The following CCDC81 variants were observed in gnomAD, a reference collection of about 807,000 sequenced individuals.
The protein encoded by CCDC81 is coiled-coil domain containing 81.
A neutral mutation model predicts 83.7 loss-of-function variants in CCDC81; 79 were observed. That is an observed-to-expected ratio of 0.94 (90% CI 0.79 to 1.14). The LOEUF (loss-of-function observed/expected upper bound fraction) is 1.14. Ranked by LOEUF, CCDC81 falls within the 50% of genes most tolerant of loss-of-function variation. CCDC81 has a pLI of 0.00. For synonymous variants in CCDC81, 252 were observed against 278.1 expected (o/e 0.91, Z 0.93); for missense variants, 791 against 778.1 (o/e 1.02, Z -0.20).
intron 14 of CCDC81, among the ~76,000 whole-genome samples, chr11:86,421,379 G>A (rs561376865): frequency 4.0e-5 from 6 of 151,824 alleles, no homozygotes; most frequent in African/African-American, 1.2e-4. Context: ...GCGCGATCTC[G>A]GCTCACTGCA....
intron 11 of CCDC81, 98 bp downstream of exon 11, chr11:86,412,657 C>A: frequency 1.8e-6 from 2 of 1,108,682 alleles, no homozygotes; most frequent in Non-Finnish European, 2.5e-6. Context: ...GTTTCATTAG[C>A]ACACTGTAAC....
intron 3 of CCDC81, among the ~76,000 whole-genome samples, chr11:86,388,370 C>A (rs79193188): frequency 1.3e-5 from 2 of 152,150 alleles, no homozygotes; most frequent in South Asian, 4.1e-4. Flanking sequence ...CTTCGTAACA[C>A]CTCCCTTGGT....
chr11:86,412,120 A>AT (rs1394960954), intron 10 of CCDC81, among the ~76,000 whole-genome samples: 1 of 152,200 alleles, frequency 6.6e-6, no homozygotes. Context: ...TTCCCTGGCA[A>AT]TAATCATTGT....
chr11:86,404,795 G>A (rs924812268), intron 7 of CCDC81, among the ~76,000 whole-genome samples: 2 of 152,220 alleles, frequency 1.3e-5, no homozygotes, highest in African/African-American at 2.4e-5. Context: ...CAGTAAGGGA[G>A]TGTAGACTTA....
At chr11:86,404,940 T>C (rs1260288124) in intron 7 of CCDC81, among the ~76,000 whole-genome samples, 1 of 152,222 alleles carries the variant, frequency 6.6e-6, no homozygotes, top group Non-Finnish European at 1.5e-5. Context: ...ACTTTGTAAT[T>C]TGCTGAACCT....
intron 7 of CCDC81, among the ~76,000 whole-genome samples, chr11:86,401,022 A>G (rs946613394): frequency 6.6e-6 from 1 of 152,180 alleles, no homozygotes; most frequent in African/African-American, 2.4e-5. Context: ...AGTGGAATAG[A>G]TGTTATGACA....
intron 14 of CCDC81, among the ~76,000 whole-genome samples, chr11:86,421,988 GAA>G (rs2138549251): frequency 6.6e-6 from 1 of 151,726 alleles, no homozygotes; most frequent in African/African-American, 2.4e-5. Flanking sequence ...TTTGCGTAAC[GAA>G]GAAAAACCAT....
At chr11:86,399,016 A>C (rs764778333) in intron 6 of CCDC81, among the ~76,000 whole-genome samples, 2 of 152,210 alleles carry the variant, frequency 1.3e-5, no homozygotes, top group African/African-American at 4.8e-5. Flanking sequence ...TAATTTTACT[A>C]TATGTGCTAC....
At chr11:86,392,504 T>G in intron 3 of CCDC81, 37 bp from the exon 4 acceptor site, 1 of 1,542,802 alleles carries the variant, frequency 6.5e-7, no homozygotes, top group Non-Finnish European at 8.8e-7. Context: ...TAATCACCAC[T>G]TTCTTTCTCC....
At chr11:86,384,394 A>G (rs146769075) in intron 1 of CCDC81, among the ~76,000 whole-genome samples, 197 of 152,286 alleles carry the variant, frequency 1.3e-3, no homozygotes, top group African/African-American at 4.4e-3. Context: ...AATGAGGGGC[A>G]GAATCTTGGC....
intron 6 of CCDC81, among the ~76,000 whole-genome samples, chr11:86,398,711 T>C (rs1047544305): frequency 2.0e-5 from 3 of 152,110 alleles, no homozygotes; most frequent in African/African-American, 7.2e-5. Flanking sequence ...TAGCTGGGAC[T>C]ACAGGCGCGC....
intron 13 of CCDC81, among the ~76,000 whole-genome samples, chr11:86,417,356 C>T (rs544475624): frequency 6.6e-6 from 1 of 151,378 alleles, no homozygotes; most frequent in Non-Finnish European, 1.5e-5. Flanking sequence ...AAGTAGGTTA[C>T]ATATTAACCT....
In CCDC81 at chr11:86,422,819, T is replaced by C; in HGVS notation, c.*104T>C. On this transcript the variant is annotated 3_prime_UTR_variant, in exon 15 of 15. Coordinates refer to ENST00000445632, the MANE Select transcript of CCDC81 (RefSeq NM_001156474.2). ...TTTTTACCTCAGAGAAAAAAATCAT[T>C]GTTTAGGTTTGGTGCTTTCATTAGA... is the stretch of plus-strand genomic sequence containing the variant. 2 of 1,176,412 alleles carry C rather than the reference T, an allele frequency of 1.7e-6. No homozygotes were observed. Among genetic ancestry groups the C allele is most frequent in the Non-Finnish European group, 2.4e-6 (2 of 836,322 alleles). The allele number at this position is 1,176,412 out of a possible 1,614,324, so 72.9% of individuals were successfully genotyped here.
chr11:86,389,263 A>G (rs998321149), intron 3 of CCDC81, among the ~76,000 whole-genome samples: 3 of 152,030 alleles, frequency 2.0e-5, no homozygotes, highest in African/African-American at 7.2e-5. Flanking sequence ...AATAAGATAA[A>G]TAAGGAAATA....
In CCDC81 at chr11:86,419,950, G is replaced by T. The variant is rs745486417; in HGVS notation, c.1714G>T (p.Glu572Ter). 38 of 1,613,646 alleles carry T rather than the reference G, an allele frequency of 2.4e-5. No homozygotes were observed. The South Asian group carries it at 4.2e-4, about 18-fold the overall frequency. Residue 572 changes from glutamate to a stop codon, truncating the protein, a stop_gained, in exon 14 of 15, where the codon GAG becomes TAG. Transcript: ENST00000445632. LOFTEE classifies it high-confidence loss of function. ...CAGGCACTTGGCAGACAGAACCGCT[G>T]AGCTGGAGCGAGTAAATAGAGTCAA... is the stretch of plus-strand genomic sequence containing the variant. ...QREHLADRTA[E>*]LERVNRVNQC... is the part of the protein sequence containing the mutation.
chr11:86,394,101 C>G (rs956875348), intron 4 of CCDC81, among the ~76,000 whole-genome samples: 4 of 152,088 alleles, frequency 2.6e-5, no homozygotes, highest in African/African-American at 9.7e-5. Context: ...CAGGAAAAAC[C>G]CTTGCTTTTC....
At chr11:86,414,989 A>T in intron 12 of CCDC81, 104 bp from the exon 13 acceptor site, 1 of 1,439,812 alleles carries the variant, frequency 6.9e-7, no homozygotes, top group Non-Finnish European at 9.6e-7. Context: ...TGTGCCCCGC[A>T]TTCCTTCCTG....
chr11:86,410,575 C>T (rs573457475), intron 10 of CCDC81, among the ~76,000 whole-genome samples: 22 of 152,110 alleles, frequency 1.4e-4, no homozygotes, highest in South Asian at 4.1e-4. Flanking sequence ...AAGGAGAGAG[C>T]GAGCGAGCAT....
Position 86,420,037 on chromosome 11 carries a change from G to C in CCDC81, c.1801G>C (p.Asp601His), listed in dbSNP as rs1948769817. The change falls in exon 14 of 15, where the codon GAC (aspartate) becomes CAC (histidine). Residue 601 changes from aspartate (D) to histidine (H), a missense_variant. Transcript: ENST00000445632. Reference sequence around the variant, plus strand: ...GATGAAGAAGCAGCGAGACCTGGAGGACAAGGCTTTTGAACGGTAATGCCT... The same window carrying C: ...GATGAAGAAGCAGCGAGACCTGGAGCACAAGGCTTTTGAACGGTAATGCCT... The part of the protein sequence containing the change: ...AAMKKQRDLE[D>H]KAFERASDKL... 6.2e-7 allele frequency: 1 copy of C among 1,613,328 alleles called. No individual in the cohort carries two copies. The highest frequency in any genetic ancestry group is 8.5e-7 in the Non-Finnish European group (1 of 1,179,786).
Sources: gnomAD v4.1 joint callset for allele counts (sites outside exome capture counted in the v4.1 genomes callset) on GRCh38, gnomAD v4.1.1 for gene constraint, MANE v1.5 for transcripts, NCBI Gene and HGNC (gene_info 2026-07-23, HGNC 2026-07-21) for gene names.